Variants in TOMM20L observed in about 807,000 individuals in gnomAD.
The protein encoded by TOMM20L is TOMM20-like protein 1.
In TOMM20L, 19 loss-of-function variants were observed where a neutral mutation model predicts 20.4. That is an observed-to-expected ratio of 0.93 (90% CI 0.65 to 1.36). The LOEUF (loss-of-function observed/expected upper bound fraction) is 1.36, where lower values mean the gene tolerates loss of function less well. Ranked by LOEUF, TOMM20L falls within the 40% of genes most tolerant of loss-of-function variation. TOMM20L has a pLI of 0.00. For synonymous variants in TOMM20L, 75 were observed against 79.6 expected, an observed-to-expected ratio of 0.94 and a Z score of 0.30; for missense variants, 218 against 203.7, an observed-to-expected ratio of 1.07 and a Z score of -0.43.
Position 58,407,396 on chromosome 14 carries a change from G to A in TOMM20L, c.333G>A (p.Leu111=), listed in dbSNP as rs1316332951. 2.5e-6 allele frequency: 4 copies of A among 1,613,912 alleles called. No homozygotes were observed. In the South Asian group the frequency reaches 3.3e-5, roughly 13 times the overall value. Residue 111 remains leucine, a synonymous_variant, in exon 4 of 5, where the codon CTG becomes CTA. Coordinates refer to ENST00000360945, the MANE Select transcript of TOMM20L (RefSeq NM_207377.3). The part of the protein sequence containing the change: ...LLVCEQPREL[L]KVFKHTLPPK... ...TGTGCGAGCAACCACGGGAACTTCT[G>A]AAAGTTTTCAAACACACTCTCCCTC...
intron 3 of TOMM20L, among the ~76,000 whole-genome samples, chr14:58,404,216 G>A (rs2140303872): frequency 8.1e-6 from 1 of 123,818 alleles, no homozygotes; most frequent in East Asian, 2.6e-4. Flanking sequence ...TGCAAGCTCC[G>A]CCTCCCGGGT....
intron 2 of TOMM20L, among the ~76,000 whole-genome samples, chr14:58,400,601 C>T (rs1329414364): frequency 6.6e-6 from 1 of 151,758 alleles, no homozygotes; most frequent in Non-Finnish European, 1.5e-5. Context: ...CCTATTATGG[C>T]CGGCGCGGTG....
intron 3 of TOMM20L, among the ~76,000 whole-genome samples, chr14:58,406,422 C>G (rs981794575): frequency 1.3e-4 from 20 of 152,218 alleles, no homozygotes; most frequent in African/African-American, 4.8e-4. Flanking sequence ...TGTATTTCAA[C>G]TGATAAATGG....
chr14:58,414,008 G>GGAAAAAAAAA, the TOMM20L span, among the ~76,000 whole-genome samples: 1 of 24,172 alleles, frequency 4.1e-5, no homozygotes, highest in Non-Finnish European at 6.4e-5. Flanking sequence ...TTCCGTCTCA[G>GGAAAAAAAAA]AAAAAAAAAA....
At chr14:58,403,739 G>A (rs1222993808) in intron 3 of TOMM20L, among the ~76,000 whole-genome samples, 3 of 151,938 alleles carry the variant, frequency 2.0e-5, no homozygotes, top group Non-Finnish European at 4.4e-5. Context: ...TTGGGAGGCT[G>A]AGGCAGGAGA....
At chr14:58,407,246 C>G in intron 3 of TOMM20L, 80 bp from the exon 4 acceptor site, 3 of 1,386,824 alleles carry the variant, frequency 2.2e-6, no homozygotes, top group Non-Finnish European at 2.9e-6. Context: ...ATTTTTAATG[C>G]TTGTTGCTTT....
the TOMM20L span, among the ~76,000 whole-genome samples, chr14:58,415,915 A>G: frequency 6.6e-6 from 1 of 152,096 alleles, no homozygotes; most frequent in East Asian, 1.9e-4. Flanking sequence ...ATAGTCAAAC[A>G]TCTGAAAACT....
chr14:58,414,576 G>A, the TOMM20L span, among the ~76,000 whole-genome samples: 4 of 151,332 alleles, frequency 2.6e-5, no homozygotes, highest in South Asian at 6.3e-4. Flanking sequence ...CATCTCTACT[G>A]AAAATACAAA....
intron 4 of TOMM20L, among the ~76,000 whole-genome samples, 199 bp from the exon 5 acceptor site, chr14:58,408,329 AT>A (rs1247698234): frequency 1.3e-5 from 2 of 151,560 alleles, no homozygotes; most frequent in African/African-American, 4.9e-5. Context: ...AAGCAGCAGA[AT>A]TGCTTGAACT....
At chr14:58,402,190 A>C (rs2036000867) in intron 2 of TOMM20L, among the ~76,000 whole-genome samples, 1 of 152,162 alleles carries the variant, frequency 6.6e-6, no homozygotes, top group Non-Finnish European at 1.5e-5. Flanking sequence ...AACACTTAAA[A>C]TAATCCCATT....
At chr14:58,413,868 G>A in the TOMM20L span, among the ~76,000 whole-genome samples, 10 of 151,872 alleles carry the variant, frequency 6.6e-5, no homozygotes, top group South Asian at 6.3e-4. Flanking sequence ...TTAGCTGGGC[G>A]TGGTGGTGGG....
downstream of TOMM20L, chr14:58,409,137 T>A (rs759631994): frequency 2.5e-6 from 4 of 1,613,848 alleles, no homozygotes; most frequent in East Asian, 8.9e-5. Context: ...CATTTTTAAA[T>A]ATTTCTGTAA....
rs954927422 is a variant in TOMM20L, at chr14:58,403,814, G to C, written c.262+1053G>C. Among the ~76,000 whole-genome samples the C allele has an allele frequency of 7.9e-5, 12 of 151,726 alleles. No individual in the cohort carries two copies. In the East Asian group the frequency reaches 2.3e-3, roughly 29 times the overall value. On this transcript the variant is annotated intron_variant, in intron 3 of 4. Transcript: ENST00000360945. ...GATCGCACGACTGCACTCCAGCCTG[G>C]GCGACAGAGCGAGACTCCGGCTCAA...
At chr14:58,398,745 A>G (rs1167163147) in intron 2 of TOMM20L, 1 of 151,370 alleles carries the variant, frequency 6.6e-6, no homozygotes, top group Non-Finnish European at 1.5e-5. Flanking sequence ...TCACACTATC[A>G]TTTATTGATA....
At chr14:58,416,693 TG>T in the TOMM20L span, among the ~76,000 whole-genome samples, 14 of 152,372 alleles carry the variant, frequency 9.2e-5, no homozygotes, top group Admixed American at 9.1e-4. Context: ...TGGTTCTAAA[TG>T]TATGTAGACA....
chr14:58,415,160 G>A, the TOMM20L span, among the ~76,000 whole-genome samples: 1 of 152,170 alleles, frequency 6.6e-6, no homozygotes, highest in Admixed American at 6.6e-5. Context: ...GTGTCAGAGT[G>A]AGGAAGATGA....
At chr14:58,408,933 T>G, downstream of TOMM20L, 1 of 1,491,692 alleles carries the variant, frequency 6.7e-7, no homozygotes, top group Non-Finnish European at 9.0e-7. Context: ...TGGTTGAACA[T>G]GGTGGCTACT....
chr14:58,412,900 C>G (rs2036267018), downstream of TOMM20L, among the ~76,000 whole-genome samples: 1 of 151,704 alleles, frequency 6.6e-6, no homozygotes. Flanking sequence ...GACTCCATCT[C>G]AAATAATAAT....
chr14:58,399,556 T>C (rs1333744228), intron 2 of TOMM20L, among the ~76,000 whole-genome samples: 2 of 152,108 alleles, frequency 1.3e-5, no homozygotes, highest in Non-Finnish European at 2.9e-5. Context: ...TTGTGAAACA[T>C]GGGCCTTGGG....
Sources: allele counts gnomAD v4.1 joint callset (sites outside exome capture counted in the v4.1 genomes callset), GRCh38; gene constraint gnomAD v4.1.1; transcripts MANE v1.5; gene names NCBI Gene and HGNC (gene_info 2026-07-23, HGNC 2026-07-21).